Variants in FLNC observed in about 807,000 individuals in gnomAD.
FLNC encodes filamin-C.
In FLNC, 91 loss-of-function variants were observed where a neutral mutation model predicts 254.3. The ratio of observed to expected loss-of-function variants is 0.36; its 90% CI spans 0.30 to 0.43. The LOEUF is 0.43. FLNC is among the 20% of genes least tolerant of loss of function. The pLI, the probability that FLNC is intolerant of heterozygous loss-of-function variation, is 1.00. For missense variants in FLNC, 2,853 were observed against 3,802.6 expected (o/e 0.75, Z 6.57); for synonymous variants, 1,430 against 1,577.2 (o/e 0.91, Z 2.21).
Position 128,835,587 on chromosome 7 carries a change from G to T in FLNC, c.601+13G>T, listed in dbSNP as rs1244760459. The stretch of plus-strand genomic sequence containing the variant: ...AACTGCGCCCCCGGTGAGTGGGCCA[G>T]TGAGCACAGCATGGAGCCCTTAGCT... On this transcript the variant is annotated intron_variant, in intron 2 of 47. Transcript: ENST00000325888. This position sits in a 1 kb window ranked among gnomAD's most constrained non-coding sequence, Gnocchi z 5.3. The T allele has an allele frequency of 6.2e-7, 1 of 1,612,526 alleles. No individual in the cohort carries two copies. The highest frequency in any genetic ancestry group is 8.5e-7 in the Non-Finnish European group (1 of 1,179,866).
intron 31 of FLNC, 116 bp downstream of exon 31, chr7:128,850,190 C>A: frequency 9.8e-7 from 1 of 1,025,606 alleles, no homozygotes; most frequent in Non-Finnish European, 1.5e-6. Flanking sequence ...GGGGAGCAGG[C>A]AAGAGTTAGG....
intron 1 of FLNC, among the ~76,000 whole-genome samples, chr7:128,833,843 A>G (rs929485879): frequency 3.4e-5 from 5 of 145,766 alleles, no homozygotes; most frequent in South Asian, 2.4e-4. Context: ...CTGCCAAACC[A>G]TTGTGCTGCA....
rs182734223 is a variant in FLNC, at chr7:128,848,732, A to C, written c.4737+15A>C. 6.2e-7 allele frequency: 1 copy of C among 1,613,752 alleles called. No homozygotes were observed. The highest frequency in any genetic ancestry group is 1.3e-5 in the African/African-American group (1 of 74,888). On this transcript the variant is annotated intron_variant, in intron 27 of 47. Coordinates refer to ENST00000325888, the MANE Select transcript of FLNC (RefSeq NM_001458.5). The stretch of plus-strand genomic sequence containing the variant: ...TCCAGATCTTGGTGAGTCTCTGTGC[A>C]TCCCACCCCGCAGGTCATGCTCCAG...
Position 128,846,065 on chromosome 7 carries a change from C to A in FLNC, c.3866C>A (p.Thr1289Lys), listed in dbSNP as rs755896234. The A allele has an allele frequency of 5.0e-6, 8 of 1,613,822 alleles. No individual in the cohort carries two copies. In the South Asian group the frequency reaches 8.8e-5, roughly 18 times the overall value. The change falls in exon 22 of 48, where the codon ACG (threonine) becomes AAG (lysine). Residue 1289 changes from threonine to lysine, a missense_variant. By Grantham distance (78) the Thr-to-Lys change is moderately conservative. Around this residue, in one of 10 missense-constraint regions of FLNC, gnomAD observed 1,573 missense variants for 1,883.5 expected, o/e 0.84. Coordinates refer to ENST00000325888, the MANE Select transcript of FLNC (RefSeq NM_001458.5). Reference protein sequence around the residue: ...SLTATGGNHVTARVLNPSGAK... With the variant: ...SLTATGGNHVKARVLNPSGAK... ...ACAGCCACAGGCGGCAACCACGTGA[C>A]GGCTCGTGTGCTCAACCCCTCGGGG...
intron 1 of FLNC, among the ~76,000 whole-genome samples, chr7:128,834,787 G>A (rs1330981822): frequency 1.3e-5 from 2 of 152,170 alleles, no homozygotes; most frequent in Non-Finnish European, 2.9e-5. Flanking sequence ...GCTTGGGATG[G>A]AGGGACAAGG....
intron 20 of FLNC, 48 bp downstream of exon 20, chr7:128,844,314 GA>G: frequency 6.4e-7 from 1 of 1,559,736 alleles, no homozygotes; most frequent in Admixed American, 1.8e-5. Context: ...GACTTGTTGG[GA>G]AGATAGATGA....
Position 128,840,008 on chromosome 7 carries a change from C to G in FLNC, c.1412-15C>G, listed in dbSNP as rs1174896813. On this transcript the variant is annotated splice_polypyrimidine_tract_variant and intron_variant, in intron 8 of 47. Transcript: ENST00000325888. ...CCCCTCAGCACCCCCAACCTCCTTT[C>G]TCTTCCTCCCCTAGCCTGTAACCCC... 8 of 1,611,612 alleles carry G rather than the reference C, an allele frequency of 5.0e-6. No individual in the cohort carries two copies. The highest frequency in any genetic ancestry group is 6.8e-6 in the Non-Finnish European group (8 of 1,179,980).
In FLNC at chr7:128,840,043, C is replaced by T. The variant is rs780542423; in HGVS notation, c.1432C>T (p.Arg478Cys). 23 of 1,613,790 alleles carry T rather than the reference C, an allele frequency of 1.4e-5. No homozygotes were observed. The highest frequency in any genetic ancestry group is 1.6e-4 in the Middle Eastern group (1 of 6,084). ...CCTAGCCTGTAACCCCAACGCCTGCCGCGCCTCTGGGCGAGGCCTGCAGCC... is the reference window on the plus strand; with the variant it reads ...CCTAGCCTGTAACCCCAACGCCTGCTGCGCCTCTGGGCGAGGCCTGCAGCC... ...VSEACNPNACRASGRGLQPKG... is the reference protein window; with the variant it reads ...VSEACNPNACCASGRGLQPKG... The change falls in exon 9 of 48, where the codon CGC becomes TGC. Residue 478 changes from arginine (R) to cysteine (C), a missense_variant. Physicochemically the swap from Arg to Cys is radical, Grantham distance 180. This residue lies in a region of FLNC where 1,573 missense variants were observed against 1,883.5 expected (regional missense o/e 0.84). Transcript: ENST00000325888.
Position 128,852,810 on chromosome 7 carries a change from A to G in FLNC, c.6005-18A>G, listed in dbSNP as rs1352329924. On this transcript the variant is annotated intron_variant, in intron 36 of 47. Coordinates refer to ENST00000325888, the MANE Select transcript of FLNC (RefSeq NM_001458.5). ...TGGGGGCCCACAGGATGCTCTGCCT[A>G]ACACCCACTTTCCACAGGGATCTCC... 1 of 1,613,644 alleles carries G rather than the reference A, an allele frequency of 6.2e-7. No homozygotes were observed. The highest frequency in any genetic ancestry group is 2.2e-5 in the East Asian group (1 of 44,886).
rs753604307 is a variant in FLNC at position 128,847,705 on chromosome 7, T to C, written c.4297T>C (p.Phe1433Leu). 6.2e-7 allele frequency: 1 copy of C among 1,614,038 alleles called. No homozygotes were observed. Among genetic ancestry groups the C allele is most frequent in the South Asian group, 1.1e-5 (1 of 91,078 alleles). Residue 1433 changes from phenylalanine to leucine, a missense_variant, in exon 25 of 48, where the codon TTC becomes CTC. Coordinates refer to ENST00000325888, the MANE Select transcript of FLNC (RefSeq NM_001458.5). ...FGGRPIPGSP[F>L]RVPVKDVVDP... ...TGTCCTTCTCCTCACAGGGAGCCCG[T>C]TCCGCGTGCCAGTGAAGGATGTGGT...
In FLNC at chr7:128,852,928, A is replaced by G. The variant is rs2128938904; in HGVS notation, c.6105A>G (p.Pro2035=). Residue 2035 remains proline, a synonymous_variant, in exon 37 of 48, where the codon CCA becomes CCG. Transcript: ENST00000325888. Reference sequence around the variant, plus strand: ...GCCCCTTCAAGATCCTGGTGGGGCCATCTGAGATCGGGGACGCCAGCAAGG... The same window carrying G: ...GCCCCTTCAAGATCCTGGTGGGGCCGTCTGAGATCGGGGACGCCAGCAAGG... The part of the protein sequence containing the change: ...TNSPFKILVG[P]SEIGDASKVR... 6.2e-7 allele frequency: 1 copy of G among 1,613,668 alleles called. No individual in the cohort carries two copies.
At chr7:128,853,109 C>T (rs1041048969) in intron 37 of FLNC, 78 bp downstream of exon 37, 90 of 1,363,638 alleles carry the variant, frequency 6.6e-5, no homozygotes, top group Admixed American at 9.1e-5. Flanking sequence ...CCAGCACCCC[C>T]TTGGCCGCAC....
Position 128,841,592 on chromosome 7 carries a change from G to T in FLNC, c.2121+25G>T, listed in dbSNP as rs1413537637. 20 of 1,563,398 alleles carry T rather than the reference G, an allele frequency of 1.3e-5. No individual in the cohort carries two copies. The highest frequency in any genetic ancestry group is 1.8e-5 in the Non-Finnish European group (20 of 1,133,742). On this transcript the variant is annotated intron_variant, in intron 13 of 47. Coordinates refer to ENST00000325888, the MANE Select transcript of FLNC (RefSeq NM_001458.5). This position sits in a 1 kb window ranked among gnomAD's most constrained non-coding sequence, Gnocchi z 4.3. Reference sequence around the variant, plus strand: ...GGTAGGTCATTGTCCAGTCTCTGCTGCCCTTACTACCCATGGCAGGGACCC... The same window carrying T: ...GGTAGGTCATTGTCCAGTCTCTGCTTCCCTTACTACCCATGGCAGGGACCC...
rs745739957 is a variant in FLNC, at chr7:128,848,672, C to T, written c.4692C>T (p.Ile1564=). The change falls in exon 27 of 48, where the codon ATC becomes ATT. Residue 1564 remains isoleucine, a synonymous_variant. Coordinates refer to ENST00000325888, the MANE Select transcript of FLNC (RefSeq NM_001458.5). The stretch of plus-strand genomic sequence containing the variant: ...CCAGCCTGCCTGTGGAGTTCACCAT[C>T]GACGCACGGGACGCGGGCGAGGGGT... ...IPASLPVEFT[I]DARDAGEGLL... The T allele has an allele frequency of 1.9e-6, 3 of 1,613,412 alleles. No homozygotes were observed. Among genetic ancestry groups the T allele is most frequent in the East Asian group, 2.2e-5 (1 of 44,882 alleles).
In FLNC at chr7:128,853,250, T is replaced by C. The variant is rs554206598; in HGVS notation, c.6208+219T>C. On this transcript the variant is annotated intron_variant, in intron 37 of 47. Transcript: ENST00000325888. ...AAAGCTCAGCTGTCCTGAGTTTCTG[T>C]CCCTCCCTTGCTCACTGGAATCCAA... The C allele has an allele frequency of 6.5e-5, 46 of 707,968 alleles. No individual in the cohort carries two copies. The South Asian group carries it at 7.9e-4, about 12-fold the overall frequency. The allele number at this position is 707,968 out of a possible 1,614,324, so 43.9% of individuals were successfully genotyped here. A position where few individuals can be genotyped will look rare whatever the true frequency, so the allele number is the denominator to read the frequency against.
intron 26 of FLNC, 144 bp downstream of exon 26, chr7:128,848,212 C>T (rs1363160096): frequency 3.7e-6 from 4 of 1,093,876 alleles, no homozygotes; most frequent in African/African-American, 1.5e-5. Flanking sequence ...CCATCCCGCT[C>T]TTCCCCGGGG....
At position 128,841,978 on chromosome 7, in the gene FLNC, G is replaced by A. The variant is rs996534508; in HGVS notation, c.2122-253G>A. On this transcript the variant is annotated intron_variant, in intron 13 of 47. Transcript: ENST00000325888. This position sits in a 1 kb window ranked among gnomAD's most constrained non-coding sequence, Gnocchi z 4.3. ...CATAAATTTAGCCCACACTCTTCCT[G>A]TCCAACACATTTCAGAGTTGAGGAA... 6.6e-5 allele frequency among the ~76,000 whole-genome samples: 10 copies of A among 152,272 alleles called. No individual in the cohort carries two copies. The highest frequency in any genetic ancestry group is 5.9e-4 in the Admixed American group (9 of 15,294).
intron 18 of FLNC, 79 bp downstream of exon 18, chr7:128,843,656 C>A: frequency 1.3e-6 from 2 of 1,555,944 alleles, no homozygotes; most frequent in Admixed American, 1.7e-5. Context: ...CCCATGGGAC[C>A]AGTTCTGGAT....
chr7:128,840,019 C>G lies in FLNC; in HGVS notation c.1412-4C>G, dbSNP rs1554398050. 6.2e-7 allele frequency: 1 copy of G among 1,612,922 alleles called. No homozygotes were observed. Among genetic ancestry groups the G allele is most frequent in the Admixed American group, 1.7e-5 (1 of 60,030 alleles). The stretch of plus-strand genomic sequence containing the variant: ...CCCCAACCTCCTTTCTCTTCCTCCC[C>G]TAGCCTGTAACCCCAACGCCTGCCG... On this transcript the variant is annotated splice_polypyrimidine_tract_variant and splice_region_variant and intron_variant, in intron 8 of 47. Coordinates refer to ENST00000325888, the MANE Select transcript of FLNC (RefSeq NM_001458.5).
Sources: allele counts gnomAD v4.1 joint callset (sites outside exome capture counted in the v4.1 genomes callset), GRCh38; gene constraint gnomAD v4.1.1; regional missense constraint gnomAD v4.1.1; non-coding constraint Gnocchi (gnomAD v3.1); transcripts MANE v1.5; gene names NCBI Gene and HGNC (gene_info 2026-07-23, HGNC 2026-07-21).